CADM2: variants seen among roughly 807,000 people sequenced by gnomAD.
CADM2 encodes the protein cell adhesion molecule 2.
A neutral mutation model predicts 49.8 loss-of-function variants in CADM2; 12 were observed. The ratio of observed to expected loss-of-function variants is 0.24; its 90% confidence interval spans 0.15 to 0.39. CADM2 has a LOEUF of 0.39. CADM2 is among the 10% of genes least tolerant of loss of function. CADM2 has a pLI of 1.00. For missense variants in CADM2, 378 were observed against 492.3 expected, an observed-to-expected ratio of 0.77 and a Z score of 2.20; for synonymous variants, 214 against 175.4, an observed-to-expected ratio of 1.22 and a Z score of -1.74.
intron 1 of CADM2, among the ~76,000 whole-genome samples, chr3:85,000,540 T>C (rs2033412240): frequency 6.6e-6 from 1 of 152,168 alleles, no homozygotes; most frequent in Admixed American, 6.6e-5. Flanking sequence ...ATACTAGTTT[T>C]ATATGCCTTC....
chr3:85,011,719 CA>C (rs1176521276), intron 1 of CADM2, among the ~76,000 whole-genome samples: 1 of 151,710 alleles, frequency 6.6e-6, no homozygotes, highest in Non-Finnish European at 1.5e-5. Flanking sequence ...CCCACCTCTA[CA>C]ATTTTTTTTT....
At chr3:85,080,533 G>C (rs1214032723) in intron 1 of CADM2, among the ~76,000 whole-genome samples, 1 of 151,964 alleles carries the variant, frequency 6.6e-6, no homozygotes, top group Non-Finnish European at 1.5e-5. Flanking sequence ...AGAATTGTCG[G>C]TAGCAGTACC....
chr3:85,757,309 A>T (rs2069167665), intron 2 of CADM2, among the ~76,000 whole-genome samples: 1 of 152,102 alleles, frequency 6.6e-6, no homozygotes, highest in South Asian at 2.1e-4. Context: ...CAAATATTTT[A>T]ATTGAACACC....
intron 1 of CADM2, among the ~76,000 whole-genome samples, chr3:85,404,801 G>A (rs1198020195): frequency 6.6e-6 from 1 of 152,078 alleles, no homozygotes; most frequent in Non-Finnish European, 1.5e-5. Flanking sequence ...TGCAAATAGT[G>A]TTTGCTTACT....
At chr3:85,569,681 T>C (rs2062418585) in intron 1 of CADM2, among the ~76,000 whole-genome samples, 1 of 142,758 alleles carries the variant, frequency 7.0e-6, no homozygotes, top group African/African-American at 2.5e-5. Flanking sequence ...CAATGTTTTT[T>C]AGAGGAACCT....
At chr3:85,431,870 T>TATATATATATATATATATATGC (rs1553722715) in intron 1 of CADM2, among the ~76,000 whole-genome samples, 1 of 121,470 alleles carries the variant, frequency 8.2e-6, no homozygotes, top group African/African-American at 3.1e-5. Context: ...CATATATATA[T>TATATATATATATATATATATGC]ATGCCATGCT....
chr3:85,885,190 A>G (rs1453615141), intron 4 of CADM2, among the ~76,000 whole-genome samples: 1 of 152,072 alleles, frequency 6.6e-6, no homozygotes, highest in Non-Finnish European at 1.5e-5. Flanking sequence ...TAAATTGTAA[A>G]TTATATTAAA....
At chr3:85,737,070 C>T (rs2068169323) in intron 2 of CADM2, among the ~76,000 whole-genome samples, 1 of 152,096 alleles carries the variant, frequency 6.6e-6, no homozygotes, top group Non-Finnish European at 1.5e-5. Flanking sequence ...ATCTTCATTG[C>T]CATCAGTACT....
At chr3:85,962,526 G>C (rs1231678837) in intron 8 of CADM2, among the ~76,000 whole-genome samples, 5 of 151,934 alleles carry the variant, frequency 3.3e-5, no homozygotes, top group East Asian at 3.9e-4. Context: ...CAGTCGCCAT[G>C]AGTGAATAAA....
chr3:85,207,540 C>T (rs1016093398), intron 1 of CADM2, among the ~76,000 whole-genome samples: 1 of 152,104 alleles, frequency 6.6e-6, no homozygotes, highest in East Asian at 1.9e-4. Flanking sequence ...AATTTTACTA[C>T]TATCAGCAGC....
At chr3:85,922,688 T>C (rs1056424831) in intron 6 of CADM2, among the ~76,000 whole-genome samples, 100 of 152,302 alleles carry the variant, frequency 6.6e-4, no homozygotes, top group African/African-American at 2.4e-3. Flanking sequence ...ATTGTTAGAA[T>C]GCAATACTTT....
intron 1 of CADM2, among the ~76,000 whole-genome samples, chr3:85,541,983 C>T (rs2107047083): frequency 6.6e-6 from 1 of 151,840 alleles, no homozygotes; most frequent in East Asian, 1.9e-4. Flanking sequence ...AATATAGTGG[C>T]TCTCACTCAA....
chr3:85,195,580 G>T (rs2041324521), intron 1 of CADM2, among the ~76,000 whole-genome samples: 1 of 148,892 alleles, frequency 6.7e-6, no homozygotes, highest in Non-Finnish European at 1.5e-5. Flanking sequence ...CACACATTTT[G>T]TAATTGATTC....
chr3:85,958,813 C>T (rs1400355157), intron 7 of CADM2, among the ~76,000 whole-genome samples: 4 of 151,910 alleles, frequency 2.6e-5, no homozygotes, highest in African/African-American at 9.7e-5. Flanking sequence ...AAACCAAACA[C>T]TTCATGTTCT....
chr3:85,284,118 A>G (rs1004978500), intron 1 of CADM2, among the ~76,000 whole-genome samples: 1 of 152,168 alleles, frequency 6.6e-6, no homozygotes, highest in African/African-American at 2.4e-5. Context: ...AACTCTACGG[A>G]ATGAAATGTG....
intron 2 of CADM2, among the ~76,000 whole-genome samples, chr3:85,782,791 A>AT (rs1158991106): frequency 6.6e-6 from 1 of 152,182 alleles, no homozygotes; most frequent in Non-Finnish European, 1.5e-5. Flanking sequence ...AGAATACTGA[A>AT]TTTGGATACA....
chr3:85,923,386 G>T (rs1364806843), intron 6 of CADM2, among the ~76,000 whole-genome samples: 2 of 151,944 alleles, frequency 1.3e-5, no homozygotes, highest in Non-Finnish European at 2.9e-5. Flanking sequence ...TTGTTTTACT[G>T]TCATTTTAAG....
chr3:86,013,465 T>C (rs1277426230), intron 8 of CADM2: 9 of 1,595,716 alleles, frequency 5.6e-6, no homozygotes, highest in Non-Finnish European at 7.7e-6. Flanking sequence ...GAGTGCCAGA[T>C]AAATTCTGGT....
At chr3:85,952,759 T>C (rs1209879078) in intron 7 of CADM2, among the ~76,000 whole-genome samples, 1 of 150,952 alleles carries the variant, frequency 6.6e-6, no homozygotes, top group Non-Finnish European at 1.5e-5. Flanking sequence ...TATTGTTTAT[T>C]ATGTGCTTTC....
Sources: gnomAD v4.1 joint callset for allele counts (sites outside exome capture counted in the v4.1 genomes callset) on GRCh38, gnomAD v4.1.1 for gene constraint, MANE v1.5 for transcripts, NCBI Gene and HGNC (gene_info 2026-07-23, HGNC 2026-07-21) for gene names.